ZNF451: variants seen among roughly 807,000 people sequenced by gnomAD.
The protein encoded by ZNF451 is E3 SUMO-protein ligase ZNF451.
Under a neutral mutation model 107.1 loss-of-function variants are expected in ZNF451, and 80 were observed. The observed-to-expected ratio is 0.75, with a 90% CI of 0.62 to 0.90. ZNF451 has a LOEUF of 0.90. Ranked by LOEUF, ZNF451 falls within the 40% of genes least tolerant of loss-of-function variation. The pLI, the probability that ZNF451 is intolerant of heterozygous loss-of-function variation, is 0.00. For missense variants in ZNF451, 1,107 were observed against 1,236.2 expected, an observed-to-expected ratio of 0.90 and a Z score of 1.57; for synonymous variants, 362 against 406.5, an observed-to-expected ratio of 0.89 and a Z score of 1.32.
chr6:57,102,266 A>G (rs985292907), intron 3 of ZNF451: 14 of 1,340,412 alleles, frequency 1.0e-5, no homozygotes, highest in African/African-American at 1.5e-5. Flanking sequence ...GAAGTATATA[A>G]TAAAGAAACT....
intron 3 of ZNF451, chr6:57,116,022 T>C (rs1830350500): frequency 6.6e-6 from 1 of 152,200 alleles, no homozygotes; most frequent in African/African-American, 2.4e-5. Flanking sequence ...ATTCAGGTCA[T>C]ATCTGAAAGC....
intron 2 of ZNF451, among the ~76,000 whole-genome samples, chr6:57,095,648 A>AT (rs1390012799): frequency 6.6e-6 from 1 of 151,292 alleles, no homozygotes; most frequent in Non-Finnish European, 1.5e-5. Context: ...TTCTATCCAT[A>AT]TTTTCCTTTT....
Position 57,090,222 on chromosome 6 carries a change from G to T in ZNF451, c.-32G>T, listed in dbSNP as rs374193776. ...GACGGCGGCGGCAGGGACAGCAGGA[G>T]CAGTGGTGCTGTCAGCGCGGCCGTC... On this transcript the variant is annotated 5_prime_UTR_variant, in exon 1 of 15. Transcript: ENST00000370706. 7 of 1,606,498 alleles carry T rather than the reference G, an allele frequency of 4.4e-6. No individual in the cohort carries two copies. Among genetic ancestry groups the T allele is most frequent in the Non-Finnish European group, 5.9e-6 (7 of 1,177,250 alleles).
intron 3 of ZNF451, among the ~76,000 whole-genome samples, chr6:57,120,330 A>G (rs1830579461): frequency 6.6e-6 from 1 of 152,252 alleles, no homozygotes; most frequent in African/African-American, 2.4e-5. Context: ...ATTGAAGGAC[A>G]TCTTGGTTGC....
intron 3 of ZNF451, chr6:57,105,050 AACTT>A (rs1166922900): frequency 1.0e-6 from 1 of 985,088 alleles, no homozygotes; most frequent in African/African-American, 1.7e-5. Context: ...AATGTTATAA[AACTT>A]AAAGTGAGGA....
At chr6:57,142,625 A>G (rs912585905) in intron 9 of ZNF451, among the ~76,000 whole-genome samples, 2 of 152,202 alleles carry the variant, frequency 1.3e-5, no homozygotes, top group East Asian at 1.9e-4. Flanking sequence ...GTTGTTTACA[A>G]TTTATAGCTT....
At chr6:57,132,734 A>G (rs1397721934) in intron 5 of ZNF451, among the ~76,000 whole-genome samples, 1 of 151,984 alleles carries the variant, frequency 6.6e-6, no homozygotes, top group Non-Finnish European at 1.5e-5. Context: ...GGAGCTGGGC[A>G]TGGTGGCGTG....
chr6:57,106,611 A>T (rs1210956028), intron 3 of ZNF451: 1,292 of 949,416 alleles, frequency 1.4e-3, no homozygotes, highest in Middle Eastern at 3.8e-3. Context: ...TGGCTGTGAA[A>T]TTTTTTTTTT....
chr6:57,155,456 A>C (rs1763374427), intron 13 of ZNF451, among the ~76,000 whole-genome samples: 1 of 152,240 alleles, frequency 6.6e-6, no homozygotes. Flanking sequence ...ATTGCGCTCC[A>C]GCCTGGGCAA....
At chr6:57,106,985 T>A in intron 3 of ZNF451, 2 of 926,454 alleles carry the variant, frequency 2.2e-6, no homozygotes, top group Non-Finnish European at 2.6e-6. Context: ...AGAATATTGT[T>A]TTATTAAATC....
At position 57,099,061 on chromosome 6, in the gene ZNF451, G is replaced by A; in HGVS notation, c.106G>A (p.Glu36Lys). 1 of 1,612,816 alleles carries A rather than the reference G, an allele frequency of 6.2e-7. No individual in the cohort carries two copies. The highest frequency in any genetic ancestry group is 8.5e-7 in the Non-Finnish European group (1 of 1,178,972). The change falls in exon 3 of 15, where the codon GAA (glutamate) becomes AAA (lysine). Residue 36 changes from glutamate (E) to lysine (K), a missense_variant and splice_region_variant. Glu to Lys is a moderately conservative substitution (Grantham distance 56). Transcript: ENST00000370706. ...ENEDDIQFVSEGPLRPVLEYI... is the reference protein window; with the variant it reads ...ENEDDIQFVSKGPLRPVLEYI... ...TCTAAATTTGCTTGATTGTTTATAG[G>A]AAGGACCATTACGACCTGTTCTTGA...
intron 3 of ZNF451, chr6:57,109,335 T>C (rs1830009648): frequency 1.0e-6 from 1 of 985,368 alleles, no homozygotes; most frequent in Non-Finnish European, 1.2e-6. Context: ...TTTGAGGATA[T>C]TGGTTTAATG....
intron 4 of ZNF451, among the ~76,000 whole-genome samples, chr6:57,127,280 A>G (rs1016088336): frequency 2.0e-5 from 3 of 152,216 alleles, no homozygotes; most frequent in Admixed American, 2.0e-4. Flanking sequence ...GTAGTCCTAC[A>G]TGAAAGTAAC....
intron 5 of ZNF451, among the ~76,000 whole-genome samples, chr6:57,131,987 T>G (rs909696048): frequency 2.0e-5 from 3 of 152,172 alleles, no homozygotes; most frequent in African/African-American, 7.2e-5. Flanking sequence ...ATCTACAAGT[T>G]GTGTGACCTT....
intron 10 of ZNF451, among the ~76,000 whole-genome samples, chr6:57,149,818 C>A (rs778947483): frequency 1.9e-4 from 29 of 150,112 alleles, no homozygotes; most frequent in Non-Finnish European, 3.7e-4. Context: ...CTTTCTTTTG[C>A]GCTTCTGTTT....
chr6:57,154,352 A>C (rs1763297245), intron 13 of ZNF451: 1 of 451,932 alleles, frequency 2.2e-6, no homozygotes, highest in African/African-American at 2.0e-5. Flanking sequence ...AAAAGCTCAG[A>C]ATTCAGATCT....
intron 14 of ZNF451, among the ~76,000 whole-genome samples, chr6:57,163,344 CTTAGG>C (rs1353927777): frequency 1.3e-5 from 2 of 150,624 alleles, no homozygotes. Flanking sequence ...CTGTAAGCTC[CTTAGG>C]GAGTAGGATC....
chr6:57,167,022 G>A (rs1763928736), intron 14 of ZNF451, among the ~76,000 whole-genome samples: 1 of 152,150 alleles, frequency 6.6e-6, no homozygotes, highest in African/African-American at 2.4e-5. Context: ...TTGTATAGAT[G>A]TTGCTGTACT....
At chr6:57,154,159 C>A in intron 13 of ZNF451, 112 bp downstream of exon 13, 2 of 1,009,824 alleles carry the variant, frequency 2.0e-6, no homozygotes, top group Non-Finnish European at 3.0e-6. Context: ...GCTAAACCAT[C>A]ATGTTCTCTT....
Sources: allele counts gnomAD v4.1 joint callset (sites outside exome capture counted in the v4.1 genomes callset), GRCh38; gene constraint gnomAD v4.1.1; transcripts MANE v1.5; gene names NCBI Gene and HGNC (gene_info 2026-07-23, HGNC 2026-07-21).